EMX1: variants seen among roughly 807,000 people sequenced by gnomAD.
The protein encoded by EMX1 is homeobox protein EMX1.
Under a neutral mutation model 20.1 loss-of-function variants are expected in EMX1, and 10 were observed. The ratio of observed to expected loss-of-function variants is 0.50; its 90% confidence interval spans 0.31 to 0.84. The LOEUF (loss-of-function observed/expected upper bound fraction) is 0.84, where lower values mean the gene tolerates loss of function less well. Among genes scored for constraint, EMX1 ranks in the 40% least tolerant of loss-of-function variants. The probability of loss-of-function intolerance (pLI) is 0.05; values close to 1 mark genes in which losing one functional copy is unlikely to be tolerated. For missense variants in EMX1, 424 were observed against 431.9 expected (o/e 0.98, Z 0.16); for synonymous variants, 250 against 200.4 (o/e 1.25, Z -2.09).
rs1671031394 is a variant in EMX1 at position 72,918,335 on chromosome 2, G to T, written c.483G>T (p.Trp161Cys). 6.5e-7 allele frequency: 1 copy of T among 1,533,134 alleles called. No individual in the cohort carries two copies. Among genetic ancestry groups the T allele is most frequent in the East Asian group, 2.6e-5 (1 of 38,558 alleles). 95.0% of individuals were successfully genotyped at this position (1,533,134 alleles called of 1,614,324 possible). The change falls in exon 1 of 3, where the codon TGG (tryptophan) becomes TGT (cysteine). Residue 161 changes from tryptophan to cysteine, a missense_variant. Physicochemically the swap from Trp to Cys is radical, Grantham distance 215. Transcript: ENST00000258106. The part of the protein sequence containing the change: ...QHRDPLHFYP[W>C]VLRNRFFGHR... ...GGGACCCTCTCCATTTCTACCCCTG[G>T]GTCCTGCGGAACCGCTTCTTCGGCC...
intron 2 of EMX1, among the ~76,000 whole-genome samples, chr2:72,932,228 T>A (rs906835109): frequency 2.6e-5 from 4 of 152,240 alleles, no homozygotes; most frequent in African/African-American, 9.6e-5. Flanking sequence ...ACAGCTGCAG[T>A]TGGCCACATC....
At chr2:72,927,254 A>C (rs922457170) in intron 2 of EMX1, among the ~76,000 whole-genome samples, 1 of 152,174 alleles carries the variant, frequency 6.6e-6, no homozygotes, top group African/African-American at 2.4e-5. Context: ...CTTCATCTCC[A>C]TAGAGCTATT....
chr2:72,924,511 C>A lies in EMX1; in HGVS notation c.705+18C>A. 6.4e-7 allele frequency: 1 copy of A among 1,556,886 alleles called. No individual in the cohort carries two copies. ...AGACGCAGGTAATCACCCCCGGTCG[C>A]GGCCTGCCCTGCGCCCGGAGCCCGG... On this transcript the variant is annotated intron_variant, in intron 2 of 2. Coordinates refer to ENST00000258106, the MANE Select transcript of EMX1 (RefSeq NM_004097.3).
rs1179083795 is a variant in EMX1 at position 72,930,257 on chromosome 2, G to A, written c.706-3530G>A. On this transcript the variant is annotated intron_variant, in intron 2 of 2. Transcript: ENST00000258106. This position sits in a 1 kb window ranked among gnomAD's most constrained non-coding sequence, Gnocchi z 4.4. Reference sequence around the variant, plus strand: ...GCTCTCCAGTCTCATAGTCTGGTGAGGAGGCAGACGTAAATAAATAAATTA... The same window carrying A: ...GCTCTCCAGTCTCATAGTCTGGTGAAGAGGCAGACGTAAATAAATAAATTA... Among the ~76,000 whole-genome samples the A allele has an allele frequency of 1.3e-5, 2 of 152,192 alleles. No homozygotes were observed. The highest frequency in any genetic ancestry group is 2.9e-5 in the Non-Finnish European group (2 of 68,036).
At chr2:72,920,920 A>G (rs1034809093) in intron 1 of EMX1, among the ~76,000 whole-genome samples, 7 of 152,100 alleles carry the variant, frequency 4.6e-5, no homozygotes, top group African/African-American at 1.7e-4. Context: ...GCCCCCCGGG[A>G]CCCGCAACTA....
chr2:72,916,692 G>A (rs1299648397), upstream of EMX1: 3 of 716,940 alleles, frequency 4.2e-6, no homozygotes, highest in East Asian at 2.7e-5. Flanking sequence ...AGATGGGCTC[G>A]GGCTACTTGG....
Position 72,924,302 on chromosome 2 carries a change from G to C in EMX1, c.521-7G>C. 1 of 1,558,356 alleles carries C rather than the reference G, an allele frequency of 6.4e-7. No homozygotes were observed. Among genetic ancestry groups the C allele is most frequent in the Non-Finnish European group, 8.6e-7 (1 of 1,159,536 alleles). On this transcript the variant is annotated splice_polypyrimidine_tract_variant and splice_region_variant and intron_variant, in intron 1 of 2. Coordinates refer to ENST00000258106, the MANE Select transcript of EMX1 (RefSeq NM_004097.3). ...TGCGTGTGTTGCCGTCGGCGGCGGGGCCGCAGCCAGCGACGTGCCCCAGGA... is the reference window on the plus strand; with the variant it reads ...TGCGTGTGTTGCCGTCGGCGGCGGGCCCGCAGCCAGCGACGTGCCCCAGGA...
chr2:72,927,693 T>C (rs1345023887), intron 2 of EMX1, among the ~76,000 whole-genome samples: 1 of 152,200 alleles, frequency 6.6e-6, no homozygotes, highest in Non-Finnish European at 1.5e-5. Flanking sequence ...TGGGTGATCA[T>C]GATTAATAAC....
chr2:72,916,902 G>A (rs939917270), upstream of EMX1: 1 of 717,276 alleles, frequency 1.4e-6, no homozygotes, highest in African/African-American at 1.7e-5. Flanking sequence ...GAGGGTGGCA[G>A]TGGGACCGCT....
At position 72,934,618 on chromosome 2, in the gene EMX1, TGA is replaced by T. The variant is rs1671335758; in HGVS notation, c.*668_*669del. ...CAGGCCCAGGTCTTTCTTAACGTAT[TGA>T]GAGGTGGGAATCAGGCCCAGGTAGT... On this transcript the variant is annotated 3_prime_UTR_variant, in exon 3 of 3. Coordinates refer to ENST00000258106, the MANE Select transcript of EMX1 (RefSeq NM_004097.3). The T allele has an allele frequency of 6.6e-6, 1 of 152,194 alleles. No individual in the cohort carries two copies. The highest frequency in any genetic ancestry group is 1.9e-4 in the East Asian group (1 of 5,174). The allele number at this position is 152,194 out of a possible 1,614,324, so 9.4% of individuals were successfully genotyped here.
chr2:72,924,189 A>G (rs759068816), intron 1 of EMX1, 120 bp from the exon 2 acceptor site: 2 of 1,254,054 alleles, frequency 1.6e-6, no homozygotes, highest in South Asian at 2.6e-5. Flanking sequence ...GTGTCAAGGA[A>G]TGGAGAGGGC....
At chr2:72,918,434 G>A in intron 1 of EMX1, 62 bp downstream of exon 1, 5 of 1,349,470 alleles carry the variant, frequency 3.7e-6, no homozygotes, top group Non-Finnish European at 4.7e-6. Context: ...GGCGATGCGG[G>A]GGAGGCTCGG....
At chr2:72,925,357 G>T (rs1020110702) in intron 2 of EMX1, 19 of 1,192,494 alleles carry the variant, frequency 1.6e-5, no homozygotes, top group Non-Finnish European at 2.0e-5. Context: ...TTATAGGGAG[G>T]TGGATTTGGG....
upstream of EMX1, chr2:72,916,457 GC>G (rs1161637423): frequency 3.5e-6 from 2 of 577,728 alleles, no homozygotes; most frequent in Non-Finnish European, 6.2e-6. Flanking sequence ...GCCCTCCTAG[GC>G]CTCGGAGCGG....
Position 72,918,223 on chromosome 2 carries a change from A to C in EMX1, c.371A>C (p.Asn124Thr). Residue 124 changes from asparagine (N) to threonine (T), a missense_variant, in exon 1 of 3, where the codon AAC becomes ACC. Around this residue, in one of 2 missense-constraint regions of EMX1, gnomAD observed 333 missense variants for 296.6 expected, o/e 1.12. Coordinates refer to ENST00000258106, the MANE Select transcript of EMX1 (RefSeq NM_004097.3). Reference protein sequence around the residue: ...GPELVFPEAMNHPALTVHPAH... With the variant: ...GPELVFPEAMTHPALTVHPAH... ...GAGCTCGTGTTCCCCGAGGCCATGA[A>C]CCACCCCGCGCTGACCGTGCATCCG... The C allele has an allele frequency of 1.3e-6, 2 of 1,575,206 alleles. No individual in the cohort carries two copies. Among genetic ancestry groups the C allele is most frequent in the Non-Finnish European group, 8.5e-7 (1 of 1,171,620 alleles).
chr2:72,916,598 C>T, upstream of EMX1: 2 of 657,460 alleles, frequency 3.0e-6, no homozygotes, highest in South Asian at 3.4e-5. Flanking sequence ...GAGTCGTCCG[C>T]GGTTCCGCGG....
intron 2 of EMX1, 40 bp downstream of exon 2, chr2:72,924,533 C>T: frequency 6.6e-7 from 1 of 1,514,240 alleles, no homozygotes; most frequent in Non-Finnish European, 8.8e-7. Flanking sequence ...CGCCCGGAGC[C>T]CGGGTGGAGG....
chr2:72,933,476 C>CCTTGG, intron 2 of EMX1: 1 of 344,022 alleles, frequency 2.9e-6, no homozygotes. Context: ...CACTCCTCCA[C>CCTTGG]CTTGGCTTGG....
intron 1 of EMX1, chr2:72,923,809 C>CATA (rs2105265655): frequency 4.6e-6 from 1 of 217,174 alleles, no homozygotes; most frequent in South Asian, 7.5e-5. Context: ...CTCCCCTTAT[C>CATA]ACGTTCCTGA....
Sources: allele counts gnomAD v4.1 joint callset (sites outside exome capture counted in the v4.1 genomes callset), GRCh38; gene constraint gnomAD v4.1.1; regional missense constraint gnomAD v4.1.1; non-coding constraint Gnocchi (gnomAD v3.1); transcripts MANE v1.5; gene names NCBI Gene and HGNC (gene_info 2026-07-23, HGNC 2026-07-21).